MED13L: variants seen among roughly 807,000 people sequenced by gnomAD.
MED13L encodes mediator of RNA polymerase II transcription subunit 13-like.
A neutral mutation model predicts 220.9 loss-of-function variants in MED13L; 7 were observed. That is an observed-to-expected ratio of 0.03 (90% CI 0.02 to 0.06). The LOEUF (loss-of-function observed/expected upper bound fraction) is 0.06, where lower values mean the gene tolerates loss of function less well. Among genes scored for constraint, MED13L ranks in the 10% least tolerant of loss-of-function variants. The pLI is 1.00. For synonymous variants in MED13L, 1,011 were observed against 1,015.2 expected (o/e 1.00, Z 0.08); for missense variants, 1,965 against 2,760.5 (o/e 0.71, Z 6.46).
chr12:116,066,734 G>T (rs941457206), intron 4 of MED13L, among the ~76,000 whole-genome samples: 1 of 149,252 alleles, frequency 6.7e-6, no homozygotes, highest in East Asian at 2.0e-4. Flanking sequence ...CCTAACTTGT[G>T]AATTTTCAAC....
chr12:116,141,470 C>A (rs1179439111), intron 2 of MED13L, among the ~76,000 whole-genome samples: 2 of 152,072 alleles, frequency 1.3e-5, no homozygotes, highest in Non-Finnish European at 2.9e-5. Context: ...CCTTTGTATC[C>A]AGATTTTTAA....
intron 4 of MED13L, among the ~76,000 whole-genome samples, chr12:116,036,139 C>G (rs569173591): frequency 6.6e-6 from 1 of 152,272 alleles, no homozygotes; most frequent in African/African-American, 2.4e-5. Flanking sequence ...GCACACAAAA[C>G]CTAATATTCA....
At position 116,153,955 on chromosome 12, in the gene MED13L, G is replaced by A. The variant is rs369266567; in HGVS notation, c.311-42443C>T. 3.9e-5 allele frequency among the ~76,000 whole-genome samples: 6 copies of A among 151,968 alleles called. No homozygotes were observed. The South Asian group carries it at 6.2e-4, about 16-fold the overall frequency. ...TAATGCGTATACACAAATCAATGTCGGTGAAAGGAAAACTACTCAATAGTA... is the reference window on the plus strand; with the variant it reads ...TAATGCGTATACACAAATCAATGTCAGTGAAAGGAAAACTACTCAATAGTA... On this transcript the variant is annotated intron_variant, in intron 2 of 30. Coordinates refer to ENST00000281928, the MANE Select transcript of MED13L (RefSeq NM_015335.5).
chr12:116,194,196 G>A (rs1024605544), intron 2 of MED13L, among the ~76,000 whole-genome samples: 3 of 151,206 alleles, frequency 2.0e-5, no homozygotes, highest in African/African-American at 7.3e-5. Context: ...ACAGAGTTTC[G>A]CTCTTTTTGT....
At chr12:116,105,909 A>G (rs1369847829) in intron 3 of MED13L, among the ~76,000 whole-genome samples, 1 of 152,198 alleles carries the variant, frequency 6.6e-6, no homozygotes, top group Non-Finnish European at 1.5e-5. Flanking sequence ...GTCTTGGCCA[A>G]TGAAATGTGA....
At chr12:116,018,244 A>T (rs1230454066) in intron 7 of MED13L, among the ~76,000 whole-genome samples, 1 of 152,226 alleles carries the variant, frequency 6.6e-6, no homozygotes, top group Admixed American at 6.5e-5. Context: ...CGATATAGCC[A>T]GGTTTTACAA....
intron 2 of MED13L, among the ~76,000 whole-genome samples, chr12:116,170,397 G>A (rs1228621019): frequency 2.6e-5 from 4 of 151,918 alleles, no homozygotes; most frequent in Admixed American, 1.3e-4. Flanking sequence ...AAATCTGATT[G>A]ATCATAGTTT....
intron 28 of MED13L, among the ~76,000 whole-genome samples, 198 bp from the exon 29 acceptor site, chr12:115,966,441 C>T (rs1876168569): frequency 6.6e-6 from 1 of 152,176 alleles, no homozygotes; most frequent in South Asian, 2.1e-4. Context: ...ACCAGCAAAA[C>T]TGACAGCCTC....
At chr12:116,115,907 T>C (rs986027809) in intron 2 of MED13L, among the ~76,000 whole-genome samples, 2 of 152,236 alleles carry the variant, frequency 1.3e-5, no homozygotes, top group African/African-American at 4.8e-5. Context: ...CATATACTGC[T>C]GGTTGGAATG....
chr12:116,218,488 A>T (rs1232241603), intron 2 of MED13L, among the ~76,000 whole-genome samples: 1 of 152,080 alleles, frequency 6.6e-6, no homozygotes, highest in Non-Finnish European at 1.5e-5. Context: ...CTACTCTGAG[A>T]CTCACAGTTC....
rs1875706286 is a variant in MED13L, at chr12:115,960,760, G to C, written c.*506C>G. Reference sequence around the variant, plus strand: ...TGCTAATCTGGATGGGAACACTAGGGAGACAGAAACCCCAGTATGAAACCA... The same window carrying C: ...TGCTAATCTGGATGGGAACACTAGGCAGACAGAAACCCCAGTATGAAACCA... On this transcript the variant is annotated 3_prime_UTR_variant, in exon 31 of 31. Transcript: ENST00000281928. The C allele has an allele frequency of 5.2e-6, 1 of 194,072 alleles. No homozygotes were observed. Among genetic ancestry groups the C allele is most frequent in the Admixed American group, 5.3e-5 (1 of 18,982 alleles). The allele number at this position is 194,072 out of a possible 1,614,324, so 12.0% of individuals were successfully genotyped here.
chr12:116,102,285 T>C (rs1479940822), intron 3 of MED13L, among the ~76,000 whole-genome samples: 1 of 152,168 alleles, frequency 6.6e-6, no homozygotes, highest in Non-Finnish European at 1.5e-5. Flanking sequence ...AGATTACAAA[T>C]GTCACCAGAG....
At chr12:115,988,383 T>C (rs1412737567) in intron 17 of MED13L, among the ~76,000 whole-genome samples, 1 of 152,218 alleles carries the variant, frequency 6.6e-6, no homozygotes, top group Non-Finnish European at 1.5e-5. Context: ...TAACCACCAC[T>C]TGCTGGAGCT....
chr12:116,081,136 C>T (rs936554777), intron 4 of MED13L, among the ~76,000 whole-genome samples: 1 of 152,162 alleles, frequency 6.6e-6, no homozygotes, highest in African/African-American at 2.4e-5. Context: ...GGCTTGCACT[C>T]CTCAGGACAT....
At chr12:116,129,680 G>A (rs974567251) in intron 2 of MED13L, among the ~76,000 whole-genome samples, 4 of 152,156 alleles carry the variant, frequency 2.6e-5, no homozygotes, top group African/African-American at 9.7e-5. Flanking sequence ...AGGCCAAGGT[G>A]GGCGGATCAC....
chr12:116,009,115 C>T lies in MED13L; in HGVS notation c.1298G>A (p.Arg433His), dbSNP rs772983457. The T allele has an allele frequency of 8.1e-6, 13 of 1,613,824 alleles. No individual in the cohort carries two copies. The highest frequency in any genetic ancestry group is 7.7e-5 in the South Asian group (7 of 91,088). Reference protein sequence around the residue: ...CSCSRHKLLKRCAVGPNRPPT... With the variant: ...CSCSRHKLLKHCAVGPNRPPT... ...AGGTCGATTGGGCCCGACTGCACAA[C>T]GTTTTAAAAGCTTATGCCTAAAATG... The change falls in exon 10 of 31, where the codon CGT becomes CAT. Residue 433 changes from arginine to histidine, a missense_variant. Physicochemically the swap from Arg to His is conservative, Grantham distance 29. This residue lies in a region of MED13L where 818 missense variants were observed against 1,041.2 expected (regional missense o/e 0.79). Coordinates refer to ENST00000281928, the MANE Select transcript of MED13L (RefSeq NM_015335.5).
intron 4 of MED13L, among the ~76,000 whole-genome samples, chr12:116,028,133 G>A (rs554165773): frequency 1.3e-4 from 20 of 152,242 alleles, no homozygotes; most frequent in South Asian, 8.3e-4. Context: ...TAGCTGGCTC[G>A]TACATAAGTG....
At chr12:116,181,601 G>C (rs1010062438) in intron 2 of MED13L, among the ~76,000 whole-genome samples, 1 of 152,020 alleles carries the variant, frequency 6.6e-6, no homozygotes, top group African/African-American at 2.4e-5. Context: ...TCCACCTCCC[G>C]GGTTTAAGCA....
At chr12:116,266,330 TC>T (rs953573422) in intron 1 of MED13L, among the ~76,000 whole-genome samples, 1 of 152,150 alleles carries the variant, frequency 6.6e-6, no homozygotes, top group Non-Finnish European at 1.5e-5. Flanking sequence ...CAGAATCTTT[TC>T]CTGATGACAT....
Sources: gnomAD v4.1 joint callset for allele counts (sites outside exome capture counted in the v4.1 genomes callset) on GRCh38, gnomAD v4.1.1 for gene constraint, gnomAD v4.1.1 regional missense constraint, MANE v1.5 for transcripts, NCBI Gene and HGNC (gene_info 2026-07-23, HGNC 2026-07-21) for gene names.